MMUT: variants seen among roughly 807,000 people sequenced by gnomAD.
The protein encoded by MMUT is methylmalonyl-CoA mutase, mitochondrial.
In MMUT, 79 loss-of-function variants were observed where a neutral mutation model predicts 79.9. The observed-to-expected ratio is 0.99, with a 90% confidence interval of 0.82 to 1.19. MMUT has a LOEUF of 1.19. Ranked by LOEUF, MMUT falls within the 50% of genes most tolerant of loss-of-function variation. The pLI is 0.00. For missense variants in MMUT, 860 were observed against 917.2 expected (o/e 0.94, Z 0.81); for synonymous variants, 273 against 295.7 (o/e 0.92, Z 0.79).
Position 49,458,005 on chromosome 6 carries a change from C to A in MMUT, c.439G>T (p.Asp147Tyr). ...AFDLATHRGYDSDNPRVRGDV... is the reference protein window; with the variant it reads ...AFDLATHRGYYSDNPRVRGDV... ...CCACGAACTCGAGGGTTGTCTGAAT[C>A]ATAGCCACGATGTGTCGCCAGATCA... is the stretch of plus-strand genomic sequence containing the variant. The change falls in exon 3 of 13, where the codon GAT becomes TAT. Residue 147 changes from aspartate (D) to tyrosine (Y), a missense_variant. Asp to Tyr is a radical substitution (Grantham distance 160, BLOSUM62 -3). Coordinates refer to ENST00000274813, the MANE Select transcript of MMUT (RefSeq NM_000255.4). The A allele has an allele frequency of 6.2e-7, 1 of 1,604,752 alleles. No homozygotes were observed. The highest frequency in any genetic ancestry group is 1.1e-5 in the South Asian group (1 of 91,066).
Position 49,456,032 on chromosome 6 carries a change from C to T in MMUT, c.911+48G>A. On this transcript the variant is annotated intron_variant, in intron 4 of 12. Coordinates refer to ENST00000274813, the MANE Select transcript of MMUT (RefSeq NM_000255.4). ...CATTTTATCAATATATAAAATGGTC[C>T]TATGCATTTCTTAATGTTGAAACAA... 8 of 1,443,284 alleles carry T rather than the reference C, an allele frequency of 5.5e-6. No homozygotes were observed. The Middle Eastern group carries it at 5.7e-4, about 103-fold the overall frequency. The allele number at this position is 1,443,284 out of a possible 1,614,324, so 89.4% of individuals were successfully genotyped here. A position where few individuals can be genotyped will look rare whatever the true frequency, so the allele number is the denominator to read the frequency against.
chr6:49,457,550 A>T, intron 3 of MMUT, 141 bp downstream of exon 3: 1 of 724,720 alleles, frequency 1.4e-6, no homozygotes, highest in East Asian at 2.8e-5. Context: ...AAATTAGTAC[A>T]TTAAAAACAA....
In MMUT at chr6:49,441,674, TTA is replaced by T. The variant is rs200061580; in HGVS notation, c.1808+164_1808+165del. Among the ~76,000 whole-genome samples the T allele has an allele frequency of 6.8e-3, 1,006 of 148,644 alleles. 10 individuals are homozygous for T. The highest frequency in any genetic ancestry group is 0.022 in the African/African-American group (887 of 40,932). ...TGTAATGAATAAATTATATACTCTATTATATGTTATATAGTCTATATAATTAA... is the reference window on the plus strand; with the variant it reads ...TGTAATGAATAAATTATATACTCTATTATGTTATATAGTCTATATAATTAA... On this transcript the variant is annotated intron_variant, in intron 10 of 12. Coordinates refer to ENST00000274813, the MANE Select transcript of MMUT (RefSeq NM_000255.4).
intron 12 of MMUT, among the ~76,000 whole-genome samples, chr6:49,434,092 C>CATGT (rs1561949898): frequency 1.3e-5 from 2 of 151,942 alleles, no homozygotes; most frequent in Admixed American, 6.6e-5. Context: ...ATGTTTTCTA[C>CATGT]TGGCTAATTA....
rs772104231 is a variant in MMUT, at chr6:49,457,846, T to C, written c.598A>G (p.Ile200Val). The C allele has an allele frequency of 1.9e-5, 30 of 1,613,654 alleles. No individual in the cohort carries two copies. Among genetic ancestry groups the C allele is most frequent in the Non-Finnish European group, 2.5e-5 (30 of 1,179,698 alleles). ...ACACCTTGTTCTTCTCCAGTTACTA[T>C]AAAATTTGCAAGAACTGGAATAACT... ...GAVIPVLANF[I>V]VTGEEQGVPK... The change falls in exon 3 of 13, where the codon ATA becomes GTA. Residue 200 changes from isoleucine to valine, a missense_variant. Transcript: ENST00000274813.
rs192166377 is a variant in MMUT at position 49,448,639 on chromosome 6, T to C, written c.1444+177A>G. Among the ~76,000 whole-genome samples, 259 of 152,298 alleles carry C rather than the reference T, an allele frequency of 1.7e-3. 4 individuals are homozygous for C. The highest frequency in any genetic ancestry group is 5.8e-3 in the African/African-American group (243 of 41,586). ...CACACTTTGTACATATGCTTGCCTGTGTGCATCCATGTATGTGAAAATACA... is the reference window on the plus strand; with the variant it reads ...CACACTTTGTACATATGCTTGCCTGCGTGCATCCATGTATGTGAAAATACA... On this transcript the variant is annotated intron_variant, in intron 7 of 12. Transcript: ENST00000274813.
chr6:49,449,102 T>G (rs1162126537), intron 6 of MMUT, among the ~76,000 whole-genome samples, 175 bp from the exon 7 acceptor site: 1 of 152,102 alleles, frequency 6.6e-6, no homozygotes, highest in Non-Finnish European at 1.5e-5. Flanking sequence ...AGAATTTGTG[T>G]GTTTATAGTT....
At chr6:49,460,687 G>A (rs1767820237) in intron 1 of MMUT, among the ~76,000 whole-genome samples, 1 of 152,252 alleles carries the variant, frequency 6.6e-6, no homozygotes, top group East Asian at 1.9e-4. Flanking sequence ...ATATTGAGAT[G>A]CAAACATTAA....
rs769328040 is a variant in MMUT, at chr6:49,430,376, G to A, written c.*1352C>T. 1 of 152,092 alleles carries A rather than the reference G, an allele frequency of 6.6e-6. No individual in the cohort carries two copies. The highest frequency in any genetic ancestry group is 2.1e-4 in the South Asian group (1 of 4,828). 9.4% of individuals were successfully genotyped at this position (152,092 alleles called of 1,614,324 possible). On this transcript the variant is annotated 3_prime_UTR_variant, in exon 13 of 13. Coordinates refer to ENST00000274813, the MANE Select transcript of MMUT (RefSeq NM_000255.4). ...CAAGAGCTGTAAATTCCTCAAGGATGAGTTTATTTCACATGTCACCCAGCA... is the reference window on the plus strand; with the variant it reads ...CAAGAGCTGTAAATTCCTCAAGGATAAGTTTATTTCACATGTCACCCAGCA...
intron 5 of MMUT, among the ~76,000 whole-genome samples, chr6:49,452,534 CAT>C (rs1189115372): frequency 6.6e-6 from 1 of 152,002 alleles, no homozygotes; most frequent in Non-Finnish European, 1.5e-5. Flanking sequence ...GGGGTTTCAC[CAT>C]GTTAGCCAGG....
chr6:49,434,870 G>A (rs138043716), intron 12 of MMUT, among the ~76,000 whole-genome samples: 30 of 152,170 alleles, frequency 2.0e-4, no homozygotes, highest in African/African-American at 3.4e-4. Context: ...TTTGGCTCCC[G>A]AAATACCAAG....
At chr6:49,436,002 G>A (rs1487416541) in intron 11 of MMUT, among the ~76,000 whole-genome samples, 1 of 152,052 alleles carries the variant, frequency 6.6e-6, no homozygotes, top group African/African-American at 2.4e-5. Flanking sequence ...ACATACATGT[G>A]GCCAACAATC....
rs483352778 is a variant in MMUT at position 49,459,144 on chromosome 6, C to T, written c.323G>A (p.Arg108His). The T allele has an allele frequency of 2.0e-5, 33 of 1,614,108 alleles. No homozygotes were observed. Among genetic ancestry groups the T allele is most frequent in the East Asian group, 6.7e-5 (3 of 44,880 alleles). ...CACAGTACTAAAACCAGCATACTGGCGGATGGTCCAGGGCCTAAAGGTATA... is the reference window on the plus strand; with the variant it reads ...CACAGTACTAAAACCAGCATACTGGTGGATGGTCCAGGGCCTAAAGGTATA... ...TMYTFRPWTIRQYAGFSTVEE... is the reference protein window; with the variant it reads ...TMYTFRPWTIHQYAGFSTVEE... Residue 108 changes from arginine (R) to histidine (H), a missense_variant, in exon 2 of 13, where the codon CGC becomes CAC. Physicochemically the swap from Arg to His is conservative, Grantham distance 29. Transcript: ENST00000274813.
intron 7 of MMUT, among the ~76,000 whole-genome samples, chr6:49,448,593 T>C (rs1273069516): frequency 2.0e-5 from 3 of 152,126 alleles, no homozygotes; most frequent in Non-Finnish European, 2.9e-5. Flanking sequence ...TGTACATATA[T>C]ACAATGGTTA....
chr6:49,447,306 C>T (rs1274795940), intron 8 of MMUT, among the ~76,000 whole-genome samples: 2 of 151,784 alleles, frequency 1.3e-5, no homozygotes, highest in South Asian at 2.1e-4. Flanking sequence ...AAACTTTATT[C>T]TGTTTTTAAT....
At position 49,444,636 on chromosome 6, in the gene MMUT, C is replaced by A. The variant is rs752322747; in HGVS notation, c.1676+3G>T. 6 of 1,611,028 alleles carry A rather than the reference C, an allele frequency of 3.7e-6. No homozygotes were observed. The South Asian group carries it at 6.6e-5, about 18-fold the overall frequency. On this transcript the variant is annotated splice_donor_region_variant and intron_variant, in intron 9 of 12. Coordinates refer to ENST00000274813, the MANE Select transcript of MMUT (RefSeq NM_000255.4). ...GGAAACCTCCAAACTTATATATCTT[C>A]ACCTTGCCCGAGATGCATCCACTGC...
At chr6:49,462,805 C>G (rs1253495384) in intron 1 of MMUT, among the ~76,000 whole-genome samples, 1 of 152,182 alleles carries the variant, frequency 6.6e-6, no homozygotes, top group Non-Finnish European at 1.5e-5. Context: ...GGGAACAGTT[C>G]AGGGTGCTTA....
Position 49,431,591 on chromosome 6 carries a change from G to A in MMUT, c.*137C>T, listed in dbSNP as rs1220559034. On this transcript the variant is annotated 3_prime_UTR_variant, in exon 13 of 13. Transcript: ENST00000274813. ...TTATAGCATGACACCAGGCCTATAA[G>A]TAAGGTATTTTAAAGTAAAGCTTTC... 1 of 874,846 alleles carries A rather than the reference G, an allele frequency of 1.1e-6. No homozygotes were observed. The highest frequency in any genetic ancestry group is 1.8e-6 in the Non-Finnish European group (1 of 556,752). The allele number at this position is 874,846 out of a possible 1,614,324, so 54.2% of individuals were successfully genotyped here. A position where few individuals can be genotyped will look rare whatever the true frequency, so the allele number is the denominator to read the frequency against.
intron 6 of MMUT, among the ~76,000 whole-genome samples, chr6:49,450,461 C>A (rs1163927706): frequency 6.6e-6 from 1 of 151,508 alleles, no homozygotes; most frequent in East Asian, 1.9e-4. Context: ...AAAAATACAC[C>A]AAGTTATACA....
Sources: allele counts gnomAD v4.1 joint callset (sites outside exome capture counted in the v4.1 genomes callset), GRCh38; gene constraint gnomAD v4.1.1; transcripts MANE v1.5; gene names NCBI Gene and HGNC (gene_info 2026-07-23, HGNC 2026-07-21).